KANK4: variants seen among roughly 807,000 people sequenced by gnomAD.
KANK4 encodes KN motif and ankyrin repeat domains 4.
In KANK4, 50 loss-of-function variants were observed where a neutral mutation model predicts 80.8. That is an observed-to-expected ratio of 0.62 (90% CI 0.49 to 0.78). The LOEUF is 0.78. Ranked by LOEUF, KANK4 falls within the 30% of genes least tolerant of loss-of-function variation. KANK4 has a pLI of 0.00. For missense variants in KANK4, 1,196 were observed against 1,240.1 expected, an observed-to-expected ratio of 0.96 and a Z score of 0.53; for synonymous variants, 465 against 506.9, an observed-to-expected ratio of 0.92 and a Z score of 1.11.
At chr1:62,283,358 C>T (rs901614837) in intron 1 of KANK4, among the ~76,000 whole-genome samples, 2 of 152,128 alleles carry the variant, frequency 1.3e-5, no homozygotes, top group Admixed American at 1.3e-4. Context: ...TATTATTATT[C>T]CTATTTTTAA....
At chr1:62,297,537 A>G (rs1644376877) in intron 1 of KANK4, among the ~76,000 whole-genome samples, 1 of 152,232 alleles carries the variant, frequency 6.6e-6, no homozygotes, top group African/African-American at 2.4e-5. Flanking sequence ...CTATGAAGCA[A>G]GTAGCTTTCG....
chr1:62,236,573 C>A lies in KANK4; in HGVS notation c.*1704G>T, dbSNP rs1671205015. Among the ~76,000 whole-genome samples the A allele has an allele frequency of 6.7e-6, 1 of 148,986 alleles. No individual in the cohort carries two copies. Among genetic ancestry groups the A allele is most frequent in the Admixed American group, 6.8e-5 (1 of 14,710 alleles). On this transcript the variant is annotated 3_prime_UTR_variant, in exon 10 of 10. Coordinates refer to ENST00000371153, the MANE Select transcript of KANK4 (RefSeq NM_181712.5). ...TTGCTGTACCATTGCTGTAGATGGC[C>A]TTAATGGGTTACAAATTGGATTTTT...
chr1:62,240,882 A>C (rs1671325563), intron 9 of KANK4, among the ~76,000 whole-genome samples: 1 of 152,170 alleles, frequency 6.6e-6, no homozygotes, highest in Admixed American at 6.5e-5. Context: ...GCAGTCTCTT[A>C]TGAATGAGCT....
At chr1:62,253,311 A>G (rs937541960) in intron 7 of KANK4, 102 bp from the exon 8 acceptor site, 4 of 1,120,178 alleles carry the variant, frequency 3.6e-6, no homozygotes, top group African/African-American at 1.6e-5. Context: ...TTAGAAAGCC[A>G]TGGACTAGAG....
intron 1 of KANK4, among the ~76,000 whole-genome samples, chr1:62,284,133 T>C (rs1672510388): frequency 6.6e-6 from 1 of 152,128 alleles, no homozygotes. Flanking sequence ...CCCCCAGCCT[T>C]CCGCACTTTC....
chr1:62,311,918 C>T (rs994352362), intron 1 of KANK4, among the ~76,000 whole-genome samples: 4 of 152,142 alleles, frequency 2.6e-5, no homozygotes, highest in Non-Finnish European at 5.9e-5. Flanking sequence ...TAGACAGTGA[C>T]AGATGAGTAT....
Position 62,274,918 on chromosome 1 carries a change from C to A in KANK4, c.186G>T (p.Lys62Asn). 1 of 1,614,164 alleles carries A rather than the reference C, an allele frequency of 6.2e-7. No individual in the cohort carries two copies. ...GGGGCAGAGTGCTAAATTTGGCCTG[C>A]TTGGCCCTTCTGTGGATAGGAATTC... Reference protein sequence around the residue: ...IKRIPIHRRAKQAKFSTLPRN... With the variant: ...IKRIPIHRRANQAKFSTLPRN... The change falls in exon 3 of 10, where the codon AAG (lysine) becomes AAT (asparagine). Residue 62 changes from lysine (K) to asparagine (N), a missense_variant. Coordinates refer to ENST00000371153, the MANE Select transcript of KANK4 (RefSeq NM_181712.5).
intron 9 of KANK4, 132 bp downstream of exon 9, chr1:62,247,340 A>G (rs1395856233): frequency 2.8e-5 from 19 of 671,892 alleles, no homozygotes; most frequent in East Asian, 8.1e-5. Flanking sequence ...GGGTCTCCCT[A>G]TGTTGCCTAG....
chr1:62,305,572 A>G (rs1447018893), intron 1 of KANK4, among the ~76,000 whole-genome samples: 1 of 151,940 alleles, frequency 6.6e-6, no homozygotes, highest in African/African-American at 2.4e-5. Context: ...CAGCCTCCCA[A>G]AGTTCAGGGA....
chr1:62,306,647 T>C (rs1426750041), intron 1 of KANK4, among the ~76,000 whole-genome samples: 1 of 152,136 alleles, frequency 6.6e-6, no homozygotes, highest in Non-Finnish European at 1.5e-5. Context: ...GGCATGATCA[T>C]AACTCATTAC....
Position 62,281,622 on chromosome 1 carries a change from CTTG to C in KANK4, c.-61_-59del. Reference sequence around the variant, plus strand: ...CTCTTCATCCAATGAGTCTGTAAAACTTGTTGAAGGTTCTGAAAGAAAGGAGGA... The same window carrying C: ...CTCTTCATCCAATGAGTCTGTAAAACTTGAAGGTTCTGAAAGAAAGGAGGA... On this transcript the variant is annotated 5_prime_UTR_variant, in exon 2 of 10. Transcript: ENST00000371153. The C allele has an allele frequency of 6.2e-7, 1 of 1,603,454 alleles. No individual in the cohort carries two copies. The highest frequency in any genetic ancestry group is 8.5e-7 in the Non-Finnish European group (1 of 1,170,262).
intron 1 of KANK4, among the ~76,000 whole-genome samples, chr1:62,282,585 C>T (rs1426482965): frequency 6.6e-6 from 1 of 151,936 alleles, no homozygotes; most frequent in Non-Finnish European, 1.5e-5. Flanking sequence ...CCCCAGAAAC[C>T]AAGGATGGAA....
Position 62,273,369 on chromosome 1 carries a change from C to T in KANK4, c.1735G>A (p.Glu579Lys). The part of the protein sequence containing the change: ...ELLQEQWNCL[E>K]HGYPELASAI... The stretch of plus-strand genomic sequence containing the variant: ...CTGGCCAGCTCCGGGTACCCATGCT[C>T]CAGGCAGTTCCACTGCTCCTGCAGG... Residue 579 changes from glutamate (E) to lysine (K), a missense_variant, in exon 3 of 10, where the codon GAG becomes AAG. Glu to Lys is a moderately conservative substitution (Grantham distance 56). This residue lies in a region of KANK4 where 1,154 missense variants were observed against 1,179.6 expected (regional missense o/e 0.98). Transcript: ENST00000371153. 1 of 1,607,474 alleles carries T rather than the reference C, an allele frequency of 6.2e-7. No homozygotes were observed. The highest frequency in any genetic ancestry group is 8.5e-7 in the Non-Finnish European group (1 of 1,175,130).
chr1:62,253,815 T>A (rs1570971958), intron 7 of KANK4, among the ~76,000 whole-genome samples: 2 of 152,352 alleles, frequency 1.3e-5, no homozygotes, highest in South Asian at 4.1e-4. Context: ...CTTCATCTCC[T>A]AAACTGGAGC....
At chr1:62,266,221 G>T (rs1209936751) in intron 6 of KANK4, among the ~76,000 whole-genome samples, 2 of 152,204 alleles carry the variant, frequency 1.3e-5, no homozygotes, top group African/African-American at 4.8e-5. Flanking sequence ...CACTTCCTCA[G>T]TGTGACCCAT....
intron 2 of KANK4, among the ~76,000 whole-genome samples, chr1:62,278,731 C>T (rs7551135): frequency 1.3e-5 from 2 of 151,650 alleles, no homozygotes; most frequent in African/African-American, 2.4e-5. Context: ...CTTGCTCCCC[C>T]ACCTTCCCAT....
Position 62,274,392 on chromosome 1 carries a change from C to T in KANK4, c.712G>A (p.Val238Met), listed in dbSNP as rs145513555. The T allele has an allele frequency of 9.2e-5, 148 of 1,614,194 alleles. No individual in the cohort carries two copies. The African/African-American group carries it at 1.7e-3, about 18-fold the overall frequency. ...VQEGAEPPEG[V>M]VKVPNHLPLP... ...GGGAGGTGATTTGGAACCTTCACCACACCCTCTGGAGGCTCAGCTCCCTCC... is the reference window on the plus strand; with the variant it reads ...GGGAGGTGATTTGGAACCTTCACCATACCCTCTGGAGGCTCAGCTCCCTCC... The change falls in exon 3 of 10, where the codon GTG becomes ATG. Residue 238 changes from valine to methionine, a missense_variant. This residue lies in a region of KANK4 where 1,154 missense variants were observed against 1,179.6 expected (regional missense o/e 0.98). Transcript: ENST00000371153.
chr1:62,279,192 G>GCGCGCGCA (rs1672392252), intron 2 of KANK4, among the ~76,000 whole-genome samples: 2 of 47,498 alleles, frequency 4.2e-5, no homozygotes, highest in Admixed American at 1.8e-4. Context: ...TCCTAAGCTA[G>GCGCGCGCA]CGCGCGCACA....
At chr1:62,255,679 G>A (rs1671735386) in intron 7 of KANK4, among the ~76,000 whole-genome samples, 1 of 152,110 alleles carries the variant, frequency 6.6e-6, no homozygotes, top group South Asian at 2.1e-4. Flanking sequence ...TTGAGACAGG[G>A]TTTGGCTCTG....
Sources: gnomAD v4.1 joint callset for allele counts (sites outside exome capture counted in the v4.1 genomes callset) on GRCh38, gnomAD v4.1.1 for gene constraint, gnomAD v4.1.1 regional missense constraint, MANE v1.5 for transcripts, NCBI Gene and HGNC (gene_info 2026-07-23, HGNC 2026-07-21) for gene names.